AGO2: variants seen among roughly 807,000 people sequenced by gnomAD.
The protein encoded by AGO2 is argonaute RISC catalytic component 2.
In AGO2, 5 loss-of-function variants were observed where a neutral mutation model predicts 102.3. That is an observed-to-expected ratio of 0.05 (90% CI 0.03 to 0.10). The LOEUF is 0.10. AGO2 is among the 10% of genes least tolerant of loss of function. AGO2 has a pLI of 1.00. For synonymous variants in AGO2, 449 were observed against 473.1 expected (o/e 0.95, Z 0.66); for missense variants, 541 against 1,183.7 (o/e 0.46, Z 7.97).
chr8:140,625,691 G>A lies in AGO2; in HGVS notation c.22+9794C>T, dbSNP rs569706682. ...AGAGTTCCCGCCGACTCTACCATGC[G>A]CATCCCCGACCAGATCCTGTGTTCA... On this transcript the variant is annotated intron_variant, in intron 1 of 18. Coordinates refer to ENST00000220592, the MANE Select transcript of AGO2 (RefSeq NM_012154.5). 1.6e-3 allele frequency among the ~76,000 whole-genome samples: 247 copies of A among 152,260 alleles called. 1 individual carries two copies. Among genetic ancestry groups the A allele is most frequent in the Non-Finnish European group, 8.8e-4 (60 of 68,020 alleles).
chr8:140,567,114 G>A lies in AGO2; in HGVS notation c.337-4480C>T, dbSNP rs565027584. ...GTCAACACCGAGGGGCAATGGCAAG[G>A]GGTCTATTTTCCCACAGCAAAATAC... is the stretch of plus-strand genomic sequence containing the variant. On this transcript the variant is annotated intron_variant, in intron 3 of 18. Coordinates refer to ENST00000220592, the MANE Select transcript of AGO2 (RefSeq NM_012154.5). This position sits in a 1 kb window ranked among gnomAD's most constrained non-coding sequence, Gnocchi z 5.0. Among the ~76,000 whole-genome samples the A allele has an allele frequency of 5.9e-5, 9 of 152,344 alleles. No individual in the cohort carries two copies. In the South Asian group the frequency reaches 1.9e-3, roughly 32 times the overall value.
intron 3 of AGO2, among the ~76,000 whole-genome samples, chr8:140,570,594 G>A (rs1261253608): frequency 2.0e-5 from 3 of 152,150 alleles, no homozygotes; most frequent in Admixed American, 6.6e-5. Flanking sequence ...CACAGGCACC[G>A]GCTAGGGCTG....
intron 14 of AGO2, among the ~76,000 whole-genome samples, chr8:140,541,935 G>T (rs975687025): frequency 2.0e-5 from 3 of 152,082 alleles, no homozygotes; most frequent in Non-Finnish European, 4.4e-5. Context: ...CAGAAAAACA[G>T]ATTAGAACTA....
At chr8:140,537,857 C>T (rs970796166) in intron 16 of AGO2, among the ~76,000 whole-genome samples, 3 of 152,046 alleles carry the variant, frequency 2.0e-5, no homozygotes, top group Non-Finnish European at 4.4e-5. Context: ...CTCACTCTGC[C>T]CCCCAGGCGG....
At chr8:140,622,151 T>C (rs985780838) in intron 1 of AGO2, among the ~76,000 whole-genome samples, 6 of 152,218 alleles carry the variant, frequency 3.9e-5, no homozygotes, top group African/African-American at 1.4e-4. Context: ...ACTGGCTGTG[T>C]GGCTTCATCT....
chr8:140,536,114 C>T (rs62527841), intron 16 of AGO2, among the ~76,000 whole-genome samples: 6,918 of 152,220 alleles, frequency 0.045, 280 homozygotes, highest in Admixed American at 0.12. Flanking sequence ...AGGCCAGGGG[C>T]GGTACATATA....
intron 2 of AGO2, among the ~76,000 whole-genome samples, chr8:140,578,783 C>T (rs2073505755): frequency 2.0e-5 from 3 of 152,240 alleles, no homozygotes; most frequent in African/African-American, 7.2e-5. Context: ...TCAGTCGCCA[C>T]CCAGGGAAAG....
rs186109247 is a variant in AGO2, at chr8:140,571,477, G to A, written c.336+1335C>T. ...TGCACCATTGCTTTCCAGCCTGGGC[G>A]ACAGAGCCAGACCCTGTCTCAAAAG... On this transcript the variant is annotated intron_variant, in intron 3 of 18. Coordinates refer to ENST00000220592, the MANE Select transcript of AGO2 (RefSeq NM_012154.5). 5.3e-5 allele frequency among the ~76,000 whole-genome samples: 8 copies of A among 152,332 alleles called. No individual in the cohort carries two copies. The East Asian group carries it at 1.3e-3, about 26-fold the overall frequency.
At chr8:140,569,733 A>T (rs1487225861) in intron 3 of AGO2, among the ~76,000 whole-genome samples, 1 of 152,192 alleles carries the variant, frequency 6.6e-6, no homozygotes, top group Non-Finnish European at 1.5e-5. Context: ...TGGGAGGTGA[A>T]GGAGTGAGGC....
At position 140,528,501 on chromosome 8, in the gene AGO2, CG is replaced by C. The variant is rs1451476092; in HGVS notation, c.*3542del. ...GTTTAGGTCAGCCTCAAACAAACAG[CG>C]TGGAGGTCACTGCCTGCTTCCAACA... On this transcript the variant is annotated 3_prime_UTR_variant, in exon 19 of 19. Transcript: ENST00000220592. This position sits in a 1 kb window ranked among gnomAD's most constrained non-coding sequence, Gnocchi z 4.5. 5 of 152,264 alleles carry C rather than the reference CG, an allele frequency of 3.3e-5. No individual in the cohort carries two copies. Among genetic ancestry groups the C allele is most frequent in the African/African-American group, 1.2e-4 (5 of 41,536 alleles). The allele number at this position is 152,264 out of a possible 1,614,324, so 9.4% of individuals were successfully genotyped here. A position where few individuals can be genotyped will look rare whatever the true frequency, so the allele number is the denominator to read the frequency against.
intron 14 of AGO2, among the ~76,000 whole-genome samples, chr8:140,542,801 G>A (rs993254868): frequency 1.3e-5 from 2 of 152,252 alleles, no homozygotes; most frequent in Non-Finnish European, 2.9e-5. Context: ...CTGTGGCTCG[G>A]TGACAGCCAT....
At chr8:140,535,405 C>A in intron 17 of AGO2, 63 bp downstream of exon 17, 3 of 1,543,856 alleles carry the variant, frequency 1.9e-6, no homozygotes, top group Non-Finnish European at 2.7e-6. Flanking sequence ...CAAGTGTTTG[C>A]TGAATGTGGG....
At chr8:140,604,152 G>GCTGCTGT in intron 1 of AGO2, among the ~76,000 whole-genome samples, 2 of 152,228 alleles carry the variant, frequency 1.3e-5, no homozygotes, top group Non-Finnish European at 2.9e-5. Context: ...ACAAGACCTT[G>GCTGCTGT]AGGCGCACCA....
Position 140,607,458 on chromosome 8 carries a change from TTATATATATATATATATA to T in AGO2, c.23-22165_23-22148del, listed in dbSNP as rs1167371585. Among the ~76,000 whole-genome samples, 172 of 69,566 alleles carry T rather than the reference TTATATATATATATATATA, an allele frequency of 2.5e-3. 6 individuals are homozygous for T. Among genetic ancestry groups the T allele is most frequent in the Admixed American group, 3.1e-3 (17 of 5,500 alleles). The allele number at this position is 69,566 out of a possible 152,430, so 45.6% of individuals were successfully genotyped here. On this transcript the variant is annotated intron_variant, in intron 1 of 18. Coordinates refer to ENST00000220592, the MANE Select transcript of AGO2 (RefSeq NM_012154.5). ...CTCACCCCCACCTCTTAAAGAAAAA[TTATATATATATATATATA>T]TATATATATATATATATATATATAT...
At chr8:140,638,361 G>T (rs1296388084), upstream of AGO2, 1 of 152,238 alleles carries the variant, frequency 6.6e-6, no homozygotes, top group Non-Finnish European at 1.5e-5. Context: ...TGATAAATAA[G>T]TTTATTGTCT....
chr8:140,583,711 T>TA lies in AGO2; in HGVS notation c.215+1407dup, dbSNP rs201353899. 1.2e-3 allele frequency among the ~76,000 whole-genome samples: 181 copies of TA among 152,156 alleles called. 1 individual carries two copies. In the East Asian group the frequency reaches 0.03, roughly 25 times the overall value. ...CAATATGGTGAAATCCTGTCTCTACTAAAAATACAAAAAATTAGCCAGGTG... is the reference window on the plus strand; with the variant it reads ...CAATATGGTGAAATCCTGTCTCTACTAAAAAATACAAAAAATTAGCCAGGTG... On this transcript the variant is annotated intron_variant, in intron 2 of 18. Coordinates refer to ENST00000220592, the MANE Select transcript of AGO2 (RefSeq NM_012154.5).
chr8:140,597,474 ACCCCC>A lies in AGO2; in HGVS notation c.23-12168_23-12164del, dbSNP rs1163320106. On this transcript the variant is annotated intron_variant, in intron 1 of 18. Transcript: ENST00000220592. Reference sequence around the variant, plus strand: ...CCGATGGGGGCTGGGTGGCCCCCCCACCCCCCCCCCCCCGCCCCAGGCCTCCCTGC... The same window carrying A: ...CCGATGGGGGCTGGGTGGCCCCCCCACCCCCCCCGCCCCAGGCCTCCCTGC... 1.5e-4 allele frequency among the ~76,000 whole-genome samples: 7 copies of A among 45,220 alleles called. 2 individuals are homozygous for A. The Admixed American group carries it at 1.6e-3, about 10-fold the overall frequency. The allele number at this position is 45,220 out of a possible 152,430, so 29.7% of individuals were successfully genotyped here. A position where few individuals can be genotyped will look rare whatever the true frequency, so the allele number is the denominator to read the frequency against.
At chr8:140,538,748 T>C (rs1255568071) in intron 16 of AGO2, among the ~76,000 whole-genome samples, 1 of 152,172 alleles carries the variant, frequency 6.6e-6, no homozygotes, top group East Asian at 1.9e-4. Context: ...CTTTTGGTAA[T>C]CTATTAGATA....
intron 1 of AGO2, among the ~76,000 whole-genome samples, chr8:140,607,032 C>T (rs186180067): frequency 1.9e-3 from 285 of 152,088 alleles, no homozygotes; most frequent in African/African-American, 6.6e-3. Flanking sequence ...GGTGGATCAC[C>T]TGAGGTCGGG....
Sources: allele counts gnomAD v4.1 joint callset (sites outside exome capture counted in the v4.1 genomes callset), GRCh38; gene constraint gnomAD v4.1.1; non-coding constraint Gnocchi (gnomAD v3.1); transcripts MANE v1.5; gene names NCBI Gene and HGNC (gene_info 2026-07-23, HGNC 2026-07-21).